The following BACH2 variants were observed in gnomAD, a reference collection of about 807,000 sequenced individuals.
BACH2 encodes the protein BACH transcriptional regulator 2, also known as transcription regulator protein BACH2.
Under a neutral mutation model 61.8 loss-of-function variants are expected in BACH2, and 5 were observed. The observed-to-expected ratio is 0.08, with a 90% CI of 0.04 to 0.17. The LOEUF is 0.17. BACH2 is among the 10% of genes least tolerant of loss of function. The pLI is 1.00. For synonymous variants in BACH2, 446 were observed against 440.1 expected (o/e 1.01, Z -0.17); for missense variants, 824 against 1,091.1 (o/e 0.76, Z 3.45).
In BACH2 at chr6:90,053,196, C is replaced by T. The variant is rs73497169; in HGVS notation, c.-13+35765G>A. Among the ~76,000 whole-genome samples the T allele has an allele frequency of 5.1e-3, 781 of 152,242 alleles. 8 individuals are homozygous for T. The highest frequency in any genetic ancestry group is 0.015 in the African/African-American group (640 of 41,538). ...ACCAGCAATATTTGTTTAGATTTGC[C>T]TACATGTTTACCAATTTCTTTGCTT... On this transcript the variant is annotated intron_variant, in intron 5 of 8. Coordinates refer to ENST00000257749, the MANE Select transcript of BACH2 (RefSeq NM_021813.4).
chr6:89,944,814 C>G (rs889869506), intron 7 of BACH2, among the ~76,000 whole-genome samples: 1 of 152,032 alleles, frequency 6.6e-6, no homozygotes, highest in Non-Finnish European at 1.5e-5. Flanking sequence ...TGCAAAGAAA[C>G]TCTCTGTGGT....
intron 4 of BACH2, among the ~76,000 whole-genome samples, chr6:90,204,180 G>A (rs1769057834): frequency 6.6e-6 from 1 of 152,192 alleles, no homozygotes; most frequent in Admixed American, 6.5e-5. Flanking sequence ...CCCCGTCAGT[G>A]AGCTGGGATT....
intron 5 of BACH2, among the ~76,000 whole-genome samples, chr6:90,059,278 G>GA (rs1318673964): frequency 6.6e-6 from 1 of 152,096 alleles, no homozygotes; most frequent in African/African-American, 2.4e-5. Context: ...AAATTTACAA[G>GA]AAAAAAACAA....
At chr6:90,002,629 G>A (rs1777195426) in intron 6 of BACH2, among the ~76,000 whole-genome samples, 1 of 152,172 alleles carries the variant, frequency 6.6e-6, no homozygotes, top group African/African-American at 2.4e-5. Context: ...AATTAGCCAG[G>A]CGTGGTGGTG....
intron 6 of BACH2, among the ~76,000 whole-genome samples, chr6:89,965,522 C>T (rs1217485562): frequency 6.6e-6 from 1 of 152,236 alleles, no homozygotes; most frequent in Non-Finnish European, 1.5e-5. Context: ...TTCCTCCCCA[C>T]TCCATCACTT....
At chr6:90,266,003 A>G (rs187526955) in intron 2 of BACH2, among the ~76,000 whole-genome samples, 1 of 152,192 alleles carries the variant, frequency 6.6e-6, no homozygotes, top group African/African-American at 2.4e-5. Flanking sequence ...AACTGGACTA[A>G]GGCTGCAGAG....
chr6:89,998,633 G>A (rs1301008392), intron 6 of BACH2, among the ~76,000 whole-genome samples: 1 of 151,824 alleles, frequency 6.6e-6, no homozygotes, highest in Non-Finnish European at 1.5e-5. Context: ...ACTGATTAGT[G>A]CCCACAATTT....
chr6:90,020,528 G>A (rs2127784726), intron 5 of BACH2, among the ~76,000 whole-genome samples: 1 of 151,368 alleles, frequency 6.6e-6, no homozygotes. Flanking sequence ...TCAGCAAGAA[G>A]GCCCTCACCA....
At chr6:90,254,471 T>C (rs1232003541) in intron 2 of BACH2, among the ~76,000 whole-genome samples, 2 of 152,090 alleles carry the variant, frequency 1.3e-5, no homozygotes, top group Admixed American at 6.6e-5. Context: ...AATGGTATAA[T>C]GCCCCTCAAA....
chr6:89,933,986 C>T (rs1244231080), intron 8 of BACH2, among the ~76,000 whole-genome samples: 5 of 141,372 alleles, frequency 3.5e-5, no homozygotes, highest in Non-Finnish European at 6.4e-5. Flanking sequence ...CCTGTCTCCC[C>T]GCACCAAAAA....
intron 2 of BACH2, among the ~76,000 whole-genome samples, chr6:90,267,750 C>T (rs1317238016): frequency 6.6e-6 from 1 of 151,802 alleles, no homozygotes; most frequent in Non-Finnish European, 1.5e-5. Context: ...AATGTTGTAA[C>T]AAAATATTAA....
At position 90,184,399 on chromosome 6, in the gene BACH2, G is replaced by A. The variant is rs1768276481; in HGVS notation, c.-162+22170C>T. Among the ~76,000 whole-genome samples the A allele has an allele frequency of 3.3e-5, 5 of 152,114 alleles. No individual in the cohort carries two copies. The South Asian group carries it at 1.0e-3, about 32-fold the overall frequency. On this transcript the variant is annotated intron_variant, in intron 4 of 8. Coordinates refer to ENST00000257749, the MANE Select transcript of BACH2 (RefSeq NM_021813.4). Reference sequence around the variant, plus strand: ...TTTGGAGAAAAAAAGGTAAGAGCTGGCAGAGGTAAAAGAAAGATTCTGAAC... The same window carrying A: ...TTTGGAGAAAAAAAGGTAAGAGCTGACAGAGGTAAAAGAAAGATTCTGAAC...
At position 89,962,137 on chromosome 6, in the gene BACH2, A is replaced by G. The variant is rs537986656; in HGVS notation, c.244-10275T>C. ...CTTTTGACACTTTCCTTAGCTCCAC[A>G]GTCCCTGAAAGATTTTGACCATAGC... On this transcript the variant is annotated intron_variant, in intron 6 of 8. Coordinates refer to ENST00000257749, the MANE Select transcript of BACH2 (RefSeq NM_021813.4). Among the ~76,000 whole-genome samples the G allele has an allele frequency of 5.9e-5, 9 of 152,316 alleles. No individual in the cohort carries two copies. The South Asian group carries it at 1.9e-3, about 32-fold the overall frequency.
chr6:89,970,859 TCTGGGTC>T (rs1775319805), intron 6 of BACH2, among the ~76,000 whole-genome samples: 1 of 152,164 alleles, frequency 6.6e-6, no homozygotes. Flanking sequence ...TATTTCTATA[TCTGGGTC>T]GCAGGGAAAG....
At chr6:90,102,609 T>C (rs146058897) in intron 4 of BACH2, among the ~76,000 whole-genome samples, 2,030 of 151,774 alleles carry the variant, frequency 0.013, 26 homozygotes, top group Non-Finnish European at 0.018. Context: ...GCCAACATGG[T>C]GAAACCCTGT....
At chr6:90,010,639 G>A (rs2127781368) in intron 5 of BACH2, among the ~76,000 whole-genome samples, 1 of 152,284 alleles carries the variant, frequency 6.6e-6, no homozygotes, top group East Asian at 1.9e-4. Flanking sequence ...TATATGGTAT[G>A]TGTAAGCATA....
In BACH2 at chr6:89,950,744, C is replaced by T. The variant is rs1774035811; in HGVS notation, c.1362G>A (p.Leu454=). Residue 454 remains leucine (L), a synonymous_variant, in exon 7 of 9, where the codon TTG becomes TTA. Transcript: ENST00000257749. The surrounding 1 kb of genome is among the most constrained non-coding windows in gnomAD (Gnocchi z 5.3). ...SVHSYSGVSS[L]DKDLSEPVPK... is the part of the protein sequence containing the mutation. Reference sequence around the variant, plus strand: ...GCACCGGCTCAGAGAGGTCTTTGTCCAAACTGCTCACCCCAGAATAAGAAT... The same window carrying T: ...GCACCGGCTCAGAGAGGTCTTTGTCTAAACTGCTCACCCCAGAATAAGAAT... 4.3e-6 allele frequency: 7 copies of T among 1,614,144 alleles called. No homozygotes were observed. The highest frequency in any genetic ancestry group is 2.2e-5 in the East Asian group (1 of 44,852).
At chr6:90,102,515 G>A (rs1379744770) in intron 4 of BACH2, among the ~76,000 whole-genome samples, 6 of 152,196 alleles carry the variant, frequency 3.9e-5, no homozygotes, top group Middle Eastern at 3.4e-3. Context: ...TGGGCTGGGC[G>A]TGGTGACTCA....
intron 4 of BACH2, among the ~76,000 whole-genome samples, chr6:90,164,810 A>T (rs1233828238): frequency 6.6e-6 from 1 of 152,188 alleles, no homozygotes; most frequent in African/African-American, 2.4e-5. Flanking sequence ...CAAAGACAAA[A>T]ACCACATGAT....
Sources: allele counts gnomAD v4.1 joint callset (sites outside exome capture counted in the v4.1 genomes callset), GRCh38; gene constraint gnomAD v4.1.1; non-coding constraint Gnocchi (gnomAD v3.1); transcripts MANE v1.5; gene names NCBI Gene and HGNC (gene_info 2026-07-23, HGNC 2026-07-21).